TADA2A: variants seen among roughly 807,000 people sequenced by gnomAD.
The protein encoded by TADA2A is transcriptional adaptor 2A.
In TADA2A, 38 loss-of-function variants were observed where a neutral mutation model predicts 67.4. The ratio of observed to expected loss-of-function variants is 0.56; its 90% CI spans 0.44 to 0.74. The LOEUF (loss-of-function observed/expected upper bound fraction) is 0.74. Ranked by LOEUF, TADA2A falls within the 30% of genes least tolerant of loss-of-function variation. The pLI is 0.00. For synonymous variants in TADA2A, 192 were observed against 181.6 expected, an observed-to-expected ratio of 1.06 and a Z score of -0.46; for missense variants, 454 against 547.0, an observed-to-expected ratio of 0.83 and a Z score of 1.70.
chr17:37,416,390 T>C (rs1261547130), intron 2 of TADA2A, among the ~76,000 whole-genome samples: 2 of 152,048 alleles, frequency 1.3e-5, no homozygotes, highest in African/African-American at 4.8e-5. Context: ...TCTCAATTTT[T>C]TAAAGTTGTT....
At chr17:37,427,060 C>T in intron 4 of TADA2A, 51 bp downstream of exon 4, 1 of 1,469,886 alleles carries the variant, frequency 6.8e-7, no homozygotes, top group Non-Finnish European at 9.2e-7. Flanking sequence ...AAGAATTAGA[C>T]TGGGAAGTAG....
At chr17:37,451,423 A>G (rs908532884) in intron 8 of TADA2A, among the ~76,000 whole-genome samples, 1 of 151,414 alleles carries the variant, frequency 6.6e-6, no homozygotes, top group East Asian at 1.9e-4. Context: ...GGCTATAGCA[A>G]TCCTCCCACC....
chr17:37,463,274 G>A (rs2053588750), intron 10 of TADA2A, among the ~76,000 whole-genome samples: 1 of 152,072 alleles, frequency 6.6e-6, no homozygotes, highest in Admixed American at 6.6e-5. Flanking sequence ...ATTTGTAATA[G>A]TTGTGTGTCA....
chr17:37,436,223 A>G (rs370929847), intron 4 of TADA2A, among the ~76,000 whole-genome samples: 21 of 152,326 alleles, frequency 1.4e-4, no homozygotes, highest in African/African-American at 5.1e-4. Flanking sequence ...TTTTTAAGGT[A>G]TATCCTACTT....
At chr17:37,458,671 G>GTC in intron 9 of TADA2A, 84 bp downstream of exon 9, 2 of 894,744 alleles carry the variant, frequency 2.2e-6, no homozygotes, top group Non-Finnish European at 3.2e-6. Context: ...GTGTGTGTGT[G>GTC]TGTCTGTGTC....
At chr17:37,445,935 C>CTGG (rs912543750) in intron 8 of TADA2A, among the ~76,000 whole-genome samples, 8 of 152,190 alleles carry the variant, frequency 5.3e-5, no homozygotes, top group African/African-American at 1.9e-4. Flanking sequence ...ATTGCATGGA[C>CTGG]TGGTACACTG....
rs1291339380 is a variant in TADA2A, at chr17:37,477,142, C to G, written c.*160C>G. The G allele has an allele frequency of 4.3e-6, 3 of 689,756 alleles. No homozygotes were observed. The African/African-American group carries it at 5.4e-5, about 12-fold the overall frequency. 42.7% of individuals were successfully genotyped at this position (689,756 alleles called of 1,614,324 possible). ...CTTAAGTTGTATTGTCTACTTTCTT[C>G]TCCATCCTGCTTTAAAACACTCCTG... On this transcript the variant is annotated 3_prime_UTR_variant, in exon 16 of 16. Transcript: ENST00000615182.
chr17:37,426,690 CTT>C (rs2052419335), intron 3 of TADA2A: 1 of 156,098 alleles, frequency 6.4e-6, no homozygotes, highest in Non-Finnish European at 1.3e-5. Flanking sequence ...AAAAAAAAAA[CTT>C]GTCAAGAAGT....
At position 37,477,100 on chromosome 17, in the gene TADA2A, G is replaced by A; in HGVS notation, c.*118G>A. On this transcript the variant is annotated 3_prime_UTR_variant, in exon 16 of 16. Coordinates refer to ENST00000615182, the MANE Select transcript of TADA2A (RefSeq NM_001166105.3). ...CTGAATTCTCATGGTGAAAACAGGG[G>A]AAAGGACAAAGGAAACCTTAAGTTG... 1 of 1,099,278 alleles carries A rather than the reference G, an allele frequency of 9.1e-7. No individual in the cohort carries two copies. Among genetic ancestry groups the A allele is most frequent in the Non-Finnish European group, 1.3e-6 (1 of 775,134 alleles). 68.1% of individuals were successfully genotyped at this position (1,099,278 alleles called of 1,614,324 possible).
chr17:37,427,569 TAAAG>T (rs1374784360), intron 4 of TADA2A, among the ~76,000 whole-genome samples: 5 of 152,206 alleles, frequency 3.3e-5, no homozygotes, highest in Non-Finnish European at 5.9e-5. Context: ...ATGCCACACT[TAAAG>T]AAGGAATAAG....
intron 2 of TADA2A, among the ~76,000 whole-genome samples, chr17:37,418,387 T>C (rs1419759590): frequency 6.6e-6 from 1 of 152,054 alleles, no homozygotes; most frequent in Non-Finnish European, 1.5e-5. Context: ...CACTGGTCAT[T>C]GTGGCAACAA....
At chr17:37,468,533 CTT>C (rs1208253095) in intron 12 of TADA2A, among the ~76,000 whole-genome samples, 1 of 144,796 alleles carries the variant, frequency 6.9e-6, no homozygotes, top group Non-Finnish European at 1.5e-5. Flanking sequence ...TTTTTCTTTC[CTT>C]TTTTTTTTTT....
Position 37,421,385 on chromosome 17 carries a change from TCTGTCTCAAGAAGACC to T in TADA2A, c.26-2111_26-2096del, listed in dbSNP as rs1414026133. 8.3e-5 allele frequency among the ~76,000 whole-genome samples: 11 copies of T among 133,310 alleles called. 2 individuals carry two copies. The highest frequency in any genetic ancestry group is 1.4e-4 in the Non-Finnish European group (9 of 65,094). 87.5% of individuals were successfully genotyped at this position (133,310 alleles called of 152,430 possible). The stretch of plus-strand genomic sequence containing the variant: ...GTCTAAGACCCTGTCTCAAGAAGAC[TCTGTCTCAAGAAGACC>T]CTGTCTCAAGAAAAAAAAGAAAAAT... On this transcript the variant is annotated intron_variant, in intron 2 of 15. Transcript: ENST00000615182.
At chr17:37,476,709 C>A in intron 15 of TADA2A, 88 bp from the exon 16 acceptor site, 7 of 1,434,032 alleles carry the variant, frequency 4.9e-6, no homozygotes, top group African/African-American at 1.4e-5. Flanking sequence ...AGGTTGATGT[C>A]ACTTTAAAAA....
rs1378860232 is a variant in TADA2A, at chr17:37,440,232, C to T, written c.285-273C>T. Among the ~76,000 whole-genome samples, 9 of 152,138 alleles carry T rather than the reference C, an allele frequency of 5.9e-5. No homozygotes were observed. The South Asian group carries it at 6.2e-4, about 11-fold the overall frequency. ...CTGGGATTACAGGTGTGAGCCACTGCGCCTGGCCTCAGTCATCTTTCTTTA... is the reference window on the plus strand; with the variant it reads ...CTGGGATTACAGGTGTGAGCCACTGTGCCTGGCCTCAGTCATCTTTCTTTA... On this transcript the variant is annotated intron_variant, in intron 5 of 15. Coordinates refer to ENST00000615182, the MANE Select transcript of TADA2A (RefSeq NM_001166105.3).
chr17:37,428,239 G>A (rs2052467304), intron 4 of TADA2A, among the ~76,000 whole-genome samples: 1 of 152,074 alleles, frequency 6.6e-6, no homozygotes, highest in African/African-American at 2.4e-5. Context: ...AAGATCATTA[G>A]GCTCAGCTGG....
At chr17:37,466,586 C>T (rs1386428598) in intron 11 of TADA2A, among the ~76,000 whole-genome samples, 1 of 152,146 alleles carries the variant, frequency 6.6e-6, no homozygotes, top group South Asian at 2.1e-4. Flanking sequence ...ATATTTCTTA[C>T]ATAGCATTGC....
intron 12 of TADA2A, among the ~76,000 whole-genome samples, chr17:37,468,924 G>T (rs116173976): frequency 6.6e-6 from 1 of 150,916 alleles, no homozygotes; most frequent in African/African-American, 2.4e-5. Flanking sequence ...TATTTGAGAC[G>T]GAGTCTGGCT....
chr17:37,427,669 A>G (rs545756341), intron 4 of TADA2A, among the ~76,000 whole-genome samples: 1 of 152,050 alleles, frequency 6.6e-6, no homozygotes, highest in Non-Finnish European at 1.5e-5. Flanking sequence ...CTTGACGGGT[A>G]TATATACCTT....
Sources: allele counts gnomAD v4.1 joint callset (sites outside exome capture counted in the v4.1 genomes callset), GRCh38; gene constraint gnomAD v4.1.1; transcripts MANE v1.5; gene names NCBI Gene and HGNC (gene_info 2026-07-23, HGNC 2026-07-21).